Variants in ZFHX3 observed in about 807,000 individuals in gnomAD.
ZFHX3 encodes zinc finger homeobox protein 3.
ZFHX3 carries 42 observed loss-of-function variants against 279.1 expected under a neutral mutation model. The observed-to-expected ratio is 0.15, with a 90% confidence interval of 0.12 to 0.19. The LOEUF is 0.19. Ranked by LOEUF, ZFHX3 falls within the 10% of genes least tolerant of loss-of-function variation. The pLI is 1.00. For synonymous variants in ZFHX3, 2,293 were observed against 1,957.8 expected (o/e 1.17, Z -4.52); for missense variants, 4,981 against 4,754.0 (o/e 1.05, Z -1.40).
chr16:73,781,596 T>C (rs1400213472), intron 1 of ZFHX3, among the ~76,000 whole-genome samples: 3 of 152,168 alleles, frequency 2.0e-5, no homozygotes, highest in Non-Finnish European at 2.9e-5. Context: ...TACTACTGGG[T>C]CCTTTACAGA....
At chr16:73,350,776 G>A in intron 3 of ZFHX3, among the ~76,000 whole-genome samples, 1 of 152,234 alleles carries the variant, frequency 6.6e-6, no homozygotes, top group East Asian at 1.9e-4. Flanking sequence ...AAGGGACACT[G>A]GCTGGTGAGC....
intron 8 of ZFHX3, among the ~76,000 whole-genome samples, chr16:73,073,084 A>T (rs1406672647): frequency 1.3e-5 from 2 of 151,896 alleles, no homozygotes; most frequent in Non-Finnish European, 2.9e-5. Context: ...TTTAGTAGAG[A>T]CGAGGTTTCA....
At chr16:73,547,399 A>G (rs2020137304) in intron 2 of ZFHX3, among the ~76,000 whole-genome samples, 1 of 152,202 alleles carries the variant, frequency 6.6e-6, no homozygotes, top group Admixed American at 6.5e-5. Flanking sequence ...CTTTTGTTCA[A>G]AGTTCAGAAT....
chr16:73,668,011 T>G (rs1368379871), intron 2 of ZFHX3, among the ~76,000 whole-genome samples: 1 of 152,224 alleles, frequency 6.6e-6, no homozygotes, highest in Non-Finnish European at 1.5e-5. Flanking sequence ...TGCAATGGCT[T>G]GTGTTCTATT....
chr16:73,325,198 G>A (rs1023244975), intron 3 of ZFHX3, among the ~76,000 whole-genome samples: 15 of 152,176 alleles, frequency 9.9e-5, no homozygotes, highest in Non-Finnish European at 1.9e-4. Context: ...TGAGGATGGG[G>A]AGAGGTGGAT....
At chr16:73,775,404 T>A (rs1394084176) in intron 1 of ZFHX3, among the ~76,000 whole-genome samples, 1 of 152,160 alleles carries the variant, frequency 6.6e-6, no homozygotes, top group Non-Finnish European at 1.5e-5. Context: ...CTCCCTCAGC[T>A]GAGAAAAGAA....
intron 5 of ZFHX3, among the ~76,000 whole-genome samples, chr16:73,172,992 TTTTGTTTTTTTTTTTG>T (rs1471399314): frequency 2.6e-3 from 138 of 52,380 alleles, no homozygotes; most frequent in African/African-American, 8.7e-3. Context: ...GGGACTGTTT[TTTTGTTTTTTTTTTTG>T]TTTTTTTTTT....
At chr16:73,787,850 TGTG>T (rs1373877752) in intron 1 of ZFHX3, among the ~76,000 whole-genome samples, 11 of 147,322 alleles carry the variant, frequency 7.5e-5, no homozygotes, top group African/African-American at 2.8e-4. Context: ...TGTGTGTGTG[TGTG>T]AAAGAGAGAG....
chr16:73,039,765 G>A (rs564077566), intron 1 of ZFHX3, among the ~76,000 whole-genome samples: 2 of 152,102 alleles, frequency 1.3e-5, no homozygotes, highest in African/African-American at 4.8e-5. Flanking sequence ...AAACTCCTGA[G>A]GTCAGGCAAT....
At position 72,794,099 on chromosome 16, in the gene ZFHX3, T is replaced by C. The variant is rs1200109932; in HGVS notation, c.8583A>G (p.Ile2861Met). 2 of 1,614,122 alleles carry C rather than the reference T, an allele frequency of 1.2e-6. No individual in the cohort carries two copies. The highest frequency in any genetic ancestry group is 1.7e-6 in the Non-Finnish European group (2 of 1,180,050). Residue 2861 changes from isoleucine to methionine, a missense_variant, in exon 9 of 10, where the codon ATA (isoleucine) becomes ATG (methionine). Physicochemically the swap from Ile to Met is conservative, Grantham distance 10 (BLOSUM62 1). This residue lies in a region of ZFHX3 where 744 missense variants were observed against 701.3 expected (regional missense o/e 1.06). Coordinates refer to ENST00000268489, the MANE Select transcript of ZFHX3 (RefSeq NM_006885.4). The surrounding 1 kb of genome is among the most constrained non-coding windows in gnomAD (Gnocchi z 4.2). ...GNADNDSATG[I>M]ATETKSSSAP... is the part of the protein sequence containing the mutation. ...CAGAAGAGGATTTGGTTTCAGTTGCTATTCCCGTTGCACTGTCGTTATCTG... is the reference window on the plus strand; with the variant it reads ...CAGAAGAGGATTTGGTTTCAGTTGCCATTCCCGTTGCACTGTCGTTATCTG...
chr16:73,723,032 G>C (rs2053488844), intron 1 of ZFHX3, among the ~76,000 whole-genome samples: 1 of 152,236 alleles, frequency 6.6e-6, no homozygotes, highest in South Asian at 2.1e-4. Flanking sequence ...CCATGACATA[G>C]TGCAAATGTT....
chr16:73,621,863 G>C (rs2052367080), intron 2 of ZFHX3, among the ~76,000 whole-genome samples: 1 of 152,140 alleles, frequency 6.6e-6, no homozygotes, highest in Non-Finnish European at 1.5e-5. Flanking sequence ...ATGCAAACCA[G>C]AGAACCAGGA....
intron 7 of ZFHX3, among the ~76,000 whole-genome samples, chr16:73,113,916 T>C (rs188309878): frequency 8.1e-5 from 12 of 148,772 alleles, no homozygotes; most frequent in African/African-American, 3.0e-4. Flanking sequence ...TGCCTCAGCC[T>C]CCCTGAGTAG....
chr16:73,197,923 G>GTTTTT (rs1567416121), intron 5 of ZFHX3, among the ~76,000 whole-genome samples: 2 of 88,768 alleles, frequency 2.3e-5, no homozygotes, highest in African/African-American at 3.8e-5. Context: ...CTGATTTGGT[G>GTTTTT]GTTTTTTTTT....
intron 1 of ZFHX3, among the ~76,000 whole-genome samples, chr16:73,869,492 C>T (rs1962109791): frequency 6.6e-6 from 1 of 152,202 alleles, no homozygotes; most frequent in African/African-American, 2.4e-5. Flanking sequence ...AAAATACACT[C>T]TACTACAAAG....
intron 3 of ZFHX3, among the ~76,000 whole-genome samples, chr16:73,354,350 T>A (rs1409700737): frequency 1.3e-5 from 2 of 152,174 alleles, no homozygotes; most frequent in Non-Finnish European, 2.9e-5. Context: ...ATTCATCTGA[T>A]CAGATTCTCA....
intron 1 of ZFHX3, among the ~76,000 whole-genome samples, chr16:73,731,183 C>T (rs192837059): frequency 2.0e-5 from 3 of 152,146 alleles, no homozygotes; most frequent in Admixed American, 6.5e-5. Context: ...GACTTGTCTG[C>T]GTGTATCAGA....
chr16:73,059,291 G>C (rs1483166777), exon 1 of ZFHX3: 1 of 149,010 alleles, frequency 6.7e-6, no homozygotes, highest in Admixed American at 6.7e-5. Context: ...GAAGAGCCTA[G>C]AAGAGGGAGA....
At chr16:72,974,271 A>G (rs1962243896) in intron 1 of ZFHX3, among the ~76,000 whole-genome samples, 1 of 152,236 alleles carries the variant, frequency 6.6e-6, no homozygotes, top group Non-Finnish European at 1.5e-5. Flanking sequence ...CACCTGGGAA[A>G]CACCATTCAA....
Sources: gnomAD v4.1 joint callset for allele counts (sites outside exome capture counted in the v4.1 genomes callset) on GRCh38, gnomAD v4.1.1 for gene constraint, gnomAD v4.1.1 regional missense constraint, Gnocchi (gnomAD v3.1) non-coding constraint, MANE v1.5 for transcripts, NCBI Gene and HGNC (gene_info 2026-07-23, HGNC 2026-07-21) for gene names.